USH2A: variants seen among roughly 807,000 people sequenced by gnomAD.
The protein encoded by USH2A is usherin.
USH2A carries 443 observed loss-of-function variants against 538.9 expected under a neutral mutation model. That is an observed-to-expected ratio of 0.82 (90% CI 0.76 to 0.89). The LOEUF (loss-of-function observed/expected upper bound fraction) is 0.89, where lower values mean the gene tolerates loss of function less well. Among genes scored for constraint, USH2A ranks in the 40% least tolerant of loss-of-function variants. USH2A has a pLI of 0.00. For missense variants in USH2A, 6,633 were observed against 6,324.8 expected, an observed-to-expected ratio of 1.05 and a Z score of -1.65; for synonymous variants, 2,413 against 2,273.5, an observed-to-expected ratio of 1.06 and a Z score of -1.75.
At chr1:215,854,590 G>T (rs1664107291) in intron 44 of USH2A, among the ~76,000 whole-genome samples, 1 of 152,190 alleles carries the variant, frequency 6.6e-6, no homozygotes, top group South Asian at 2.1e-4. Flanking sequence ...AAAGAGAAAA[G>T]AGAATAGCTC....
intron 32 of USH2A, 137 bp from the exon 33 acceptor site, chr1:216,000,699 A>G: frequency 1.8e-6 from 2 of 1,083,176 alleles, no homozygotes; most frequent in South Asian, 1.4e-5. Context: ...ATAAAAATCA[A>G]TAGCAATAAC....
intron 40 of USH2A, among the ~76,000 whole-genome samples, chr1:215,896,713 A>G (rs1036540154): frequency 6.6e-6 from 1 of 152,184 alleles, no homozygotes; most frequent in Admixed American, 6.6e-5. Context: ...TGTTTTCAAG[A>G]TATCAACATT....
chr1:216,104,047 T>A (rs1225653381), intron 21 of USH2A, among the ~76,000 whole-genome samples: 1 of 150,902 alleles, frequency 6.6e-6, no homozygotes, highest in East Asian at 1.9e-4. Context: ...ACCTTTTCAT[T>A]TTTTTTTTAA....
intron 49 of USH2A, among the ~76,000 whole-genome samples, chr1:215,808,233 A>G (rs1299523755): frequency 6.6e-6 from 1 of 152,088 alleles, no homozygotes; most frequent in Non-Finnish European, 1.5e-5. Context: ...ATGGAAATAT[A>G]TTTGCTATCT....
At chr1:215,903,152 A>G (rs1228317080) in intron 38 of USH2A, among the ~76,000 whole-genome samples, 4 of 152,136 alleles carry the variant, frequency 2.6e-5, no homozygotes, top group Non-Finnish European at 4.4e-5. Flanking sequence ...ATGAAAAAGG[A>G]AGAACGTATC....
At chr1:215,747,434 A>C (rs934611505) in intron 58 of USH2A, among the ~76,000 whole-genome samples, 4 of 152,220 alleles carry the variant, frequency 2.6e-5, no homozygotes, top group African/African-American at 9.6e-5. Flanking sequence ...CTCCACGACA[A>C]AACTGGCAGT....
chr1:216,140,132 A>C (rs1033672968), intron 21 of USH2A, among the ~76,000 whole-genome samples: 13 of 151,734 alleles, frequency 8.6e-5, no homozygotes, highest in Admixed American at 5.9e-4. Context: ...TGAGGTTTGA[A>C]GAGTACTTTT....
At chr1:216,272,084 A>T (rs2036586390) in intron 11 of USH2A, among the ~76,000 whole-genome samples, 2 of 152,008 alleles carry the variant, frequency 1.3e-5, no homozygotes, top group Non-Finnish European at 2.9e-5. Flanking sequence ...GACTAATATT[A>T]TTTATTCCTT....
chr1:215,650,176 C>T (rs1657007681), intron 65 of USH2A, among the ~76,000 whole-genome samples: 3 of 152,118 alleles, frequency 2.0e-5, no homozygotes, highest in South Asian at 2.1e-4. Context: ...ATAGAGATTC[C>T]AAGGATATTC....
chr1:216,153,079 C>T (rs1251303277), intron 21 of USH2A, among the ~76,000 whole-genome samples: 1 of 152,116 alleles, frequency 6.6e-6, no homozygotes, highest in African/African-American at 2.4e-5. Flanking sequence ...CACTCCATCC[C>T]CTTTCCAGTT....
chr1:215,705,873 C>T (rs1659169215), intron 61 of USH2A, among the ~76,000 whole-genome samples: 1 of 152,230 alleles, frequency 6.6e-6, no homozygotes, highest in South Asian at 2.1e-4. Context: ...CTGAAAGACA[C>T]ATCTGACTAC....
Position 215,782,734 on chromosome 1 carries a change from A to C in USH2A, c.10585+4T>G, listed in dbSNP as rs372667667. 22 of 1,612,962 alleles carry C rather than the reference A, an allele frequency of 1.4e-5. No homozygotes were observed. In the African/African-American group the frequency reaches 2.9e-4, roughly 22 times the overall value. On this transcript the variant is annotated splice_donor_region_variant and intron_variant, in intron 53 of 71. Coordinates refer to ENST00000307340, the MANE Select transcript of USH2A (RefSeq NM_206933.4). ...TTATTTGTATTTTAAAGGTATCTCA[A>C]TACCATTTGATTGTATAGGTTTTCT...
chr1:215,833,360 A>G (rs185457366), intron 47 of USH2A, among the ~76,000 whole-genome samples: 55 of 152,084 alleles, frequency 3.6e-4, no homozygotes, highest in Non-Finnish European at 6.3e-4. Flanking sequence ...ATATTGATAA[A>G]TTGAACATAA....
chr1:215,956,753 A>G (rs2102446547), intron 37 of USH2A, among the ~76,000 whole-genome samples: 1 of 152,324 alleles, frequency 6.6e-6, no homozygotes, highest in Middle Eastern at 3.4e-3. Context: ...ATTAGATATC[A>G]GACAAATTCA....
intron 3 of USH2A, among the ~76,000 whole-genome samples, chr1:216,416,824 A>AC (rs2102781453): frequency 1.8e-5 from 1 of 54,774 alleles, no homozygotes; most frequent in East Asian, 6.6e-4. Context: ...AAGTAAAGAT[A>AC]ATTTTTTTGT....
chr1:215,639,382 C>A (rs1656605751), intron 68 of USH2A, 144 bp from the exon 69 acceptor site: 1 of 771,586 alleles, frequency 1.3e-6, no homozygotes, highest in Non-Finnish European at 2.2e-6. Context: ...TTCAAAATTA[C>A]TTCTAATTTT....
chr1:215,858,567 C>T (rs963039446), intron 44 of USH2A, among the ~76,000 whole-genome samples: 1 of 150,782 alleles, frequency 6.6e-6, no homozygotes, highest in African/African-American at 2.5e-5. Flanking sequence ...CCATGCAGAA[C>T]TGTGGGTCAA....
At chr1:216,243,251 C>T (rs188836273) in intron 13 of USH2A, among the ~76,000 whole-genome samples, 56 of 152,202 alleles carry the variant, frequency 3.7e-4, no homozygotes, top group African/African-American at 1.3e-3. Flanking sequence ...CCTCAGGACT[C>T]AAGAGGCCTT....
At chr1:215,656,625 T>A (rs1383065335) in intron 64 of USH2A, among the ~76,000 whole-genome samples, 2 of 152,220 alleles carry the variant, frequency 1.3e-5, no homozygotes, top group African/African-American at 4.8e-5. Flanking sequence ...TTGTTCTTTA[T>A]CCAGGCTGCT....
Sources: allele counts gnomAD v4.1 joint callset (sites outside exome capture counted in the v4.1 genomes callset), GRCh38; gene constraint gnomAD v4.1.1; transcripts MANE v1.5; gene names NCBI Gene and HGNC (gene_info 2026-07-23, HGNC 2026-07-21).